Variants in NTM observed in about 807,000 individuals in gnomAD.
The protein encoded by NTM is neurotrimin.
In NTM, 13 loss-of-function variants were observed where a neutral mutation model predicts 42.1. The observed-to-expected ratio is 0.31, with a 90% CI of 0.20 to 0.49. The LOEUF is 0.49. Among genes scored for constraint, NTM ranks in the 20% least tolerant of loss-of-function variants. The probability of loss-of-function intolerance (pLI) is 0.99; values close to 1 mark genes in which losing one functional copy is unlikely to be tolerated. For missense variants in NTM, 373 were observed against 452.8 expected, an observed-to-expected ratio of 0.82 and a Z score of 1.60; for synonymous variants, 187 against 179.2, an observed-to-expected ratio of 1.04 and a Z score of -0.35.
At chr11:131,407,715 A>G (rs1945949698) in intron 1 of NTM, among the ~76,000 whole-genome samples, 1 of 152,210 alleles carries the variant, frequency 6.6e-6, no homozygotes, top group African/African-American at 2.4e-5. Flanking sequence ...GGTCAGAAAG[A>G]GTTCCTAGGA....
At chr11:131,753,358 A>C (rs1350637372) in intron 1 of NTM, among the ~76,000 whole-genome samples, 1 of 149,872 alleles carries the variant, frequency 6.7e-6, no homozygotes, top group African/African-American at 2.5e-5. Flanking sequence ...CTAGAACTAG[A>C]AATACCATTT....
At chr11:132,087,782 C>T (rs1457106900) in intron 2 of NTM, among the ~76,000 whole-genome samples, 1 of 152,118 alleles carries the variant, frequency 6.6e-6, no homozygotes, top group Admixed American at 6.5e-5. Flanking sequence ...GGGGAAGAAC[C>T]TTTTGTTCCT....
At chr11:131,796,282 C>T (rs2091549328) in intron 1 of NTM, 2 of 582,118 alleles carry the variant, frequency 3.4e-6, no homozygotes, top group Admixed American at 6.3e-5. Context: ...AGGCTGCTGC[C>T]TGCCTGGCTG....
At chr11:132,176,420 A>G (rs2076822622) in intron 3 of NTM, among the ~76,000 whole-genome samples, 1 of 152,218 alleles carries the variant, frequency 6.6e-6, no homozygotes, top group African/African-American at 2.4e-5. Context: ...CAGATGAAGT[A>G]CTTATAAGTT....
chr11:131,911,194 T>TC (rs1209818031), intron 1 of NTM: 2 of 1,363,650 alleles, frequency 1.5e-6, no homozygotes, highest in African/African-American at 1.5e-5. Context: ...GCCGCGCGCT[T>TC]CCCCCTCCTC....
At chr11:131,630,229 A>G (rs1466115856) in intron 1 of NTM, among the ~76,000 whole-genome samples, 20 of 152,164 alleles carry the variant, frequency 1.3e-4, no homozygotes, top group Non-Finnish European at 1.5e-5. Flanking sequence ...AAAGTTAGCA[A>G]TCTCTGCCTT....
At chr11:131,775,671 G>A (rs1227121016) in intron 1 of NTM, among the ~76,000 whole-genome samples, 1 of 152,018 alleles carries the variant, frequency 6.6e-6, no homozygotes, top group Non-Finnish European at 1.5e-5. Flanking sequence ...CTTGGTATAT[G>A]GTATATCCTG....
intron 1 of NTM, among the ~76,000 whole-genome samples, chr11:131,405,742 C>T (rs1243156172): frequency 2.0e-5 from 3 of 152,162 alleles, no homozygotes; most frequent in African/African-American, 7.2e-5. Context: ...GGAATGAAAT[C>T]CACACCCCTC....
At chr11:131,580,703 G>A (rs2040377236) in intron 1 of NTM, among the ~76,000 whole-genome samples, 1 of 152,188 alleles carries the variant, frequency 6.6e-6, no homozygotes, top group African/African-American at 2.4e-5. Flanking sequence ...ACAGTGGGTG[G>A]TAGACTTCCT....
intron 1 of NTM, among the ~76,000 whole-genome samples, chr11:131,515,084 A>T (rs2048726932): frequency 6.6e-6 from 1 of 152,000 alleles, no homozygotes. Context: ...GCTAAGTTTT[A>T]TAAATTTTTT....
intron 1 of NTM, among the ~76,000 whole-genome samples, chr11:131,701,779 A>C (rs1350491356): frequency 6.6e-6 from 1 of 151,910 alleles, no homozygotes; most frequent in Non-Finnish European, 1.5e-5. Context: ...GGCTGTCTCT[A>C]CTCCATCAGA....
intron 4 of NTM, among the ~76,000 whole-genome samples, chr11:132,235,338 G>C (rs925911176): frequency 6.6e-6 from 1 of 151,374 alleles, no homozygotes; most frequent in Non-Finnish European, 1.5e-5. Context: ...GTGGGTGTGG[G>C]TGTGTGTGCA....
At chr11:132,265,709 C>T (rs2093140701) in intron 4 of NTM, among the ~76,000 whole-genome samples, 1 of 152,186 alleles carries the variant, frequency 6.6e-6, no homozygotes, top group Non-Finnish European at 1.5e-5. Flanking sequence ...ATGACACCAA[C>T]CCGTGGCATG....
intron 1 of NTM, among the ~76,000 whole-genome samples, chr11:131,486,313 C>T (rs976105548): frequency 6.6e-6 from 1 of 152,170 alleles, no homozygotes; most frequent in African/African-American, 2.4e-5. Flanking sequence ...ACTGAAGTCC[C>T]AGTTCCAGGC....
chr11:132,285,446 G>A (rs1471163380), intron 4 of NTM, among the ~76,000 whole-genome samples: 1 of 152,102 alleles, frequency 6.6e-6, no homozygotes, highest in Non-Finnish European at 1.5e-5. Context: ...GTTTTTCTAA[G>A]TGTCCTCCTT....
At position 132,335,294 on chromosome 11, in the gene NTM, G is replaced by A; in HGVS notation, c.*148G>A. 15 of 828,430 alleles carry A rather than the reference G, an allele frequency of 1.8e-5. No individual in the cohort carries two copies. Among genetic ancestry groups the A allele is most frequent in the Admixed American group, 6.3e-5 (2 of 31,588 alleles). The allele number at this position is 828,430 out of a possible 1,614,324, so 51.3% of individuals were successfully genotyped here. A position where few individuals can be genotyped will look rare whatever the true frequency, so the allele number is the denominator to read the frequency against. Reference sequence around the variant, plus strand: ...TCATGGGACAGAAATTTGAGGGAGGGGAACAAAGAATACTTTGGGGGGAAA... The same window carrying A: ...TCATGGGACAGAAATTTGAGGGAGGAGAACAAAGAATACTTTGGGGGGAAA... On this transcript the variant is annotated 3_prime_UTR_variant, in exon 9 of 9. Transcript: ENST00000683400.
At chr11:132,112,316 C>G (rs1407801983) in intron 2 of NTM, among the ~76,000 whole-genome samples, 1 of 152,166 alleles carries the variant, frequency 6.6e-6, no homozygotes, top group Non-Finnish European at 1.5e-5. Context: ...TAGTTCTCTT[C>G]TTGCACACAT....
At chr11:131,605,705 C>G in intron 1 of NTM, 3 of 734,530 alleles carry the variant, frequency 4.1e-6, no homozygotes, top group Non-Finnish European at 5.0e-6. Flanking sequence ...AGGGTGAGGA[C>G]GTTTCTTTCT....
chr11:131,431,233 G>A (rs998507520), intron 1 of NTM, among the ~76,000 whole-genome samples: 25 of 152,124 alleles, frequency 1.6e-4, no homozygotes, highest in Admixed American at 1.5e-3. Flanking sequence ...CAGTGGGAGA[G>A]GAAAGGAAAG....
Sources: allele counts gnomAD v4.1 joint callset (sites outside exome capture counted in the v4.1 genomes callset), GRCh38; gene constraint gnomAD v4.1.1; transcripts MANE v1.5; gene names NCBI Gene and HGNC (gene_info 2026-07-23, HGNC 2026-07-21).